OSBPL9: variants seen among roughly 807,000 people sequenced by gnomAD.
The protein encoded by OSBPL9 is oxysterol binding protein like 9.
Under a neutral mutation model 106.6 loss-of-function variants are expected in OSBPL9, and 40 were observed. That is an observed-to-expected ratio of 0.38 (90% CI 0.29 to 0.49). The LOEUF (loss-of-function observed/expected upper bound fraction) is 0.49, where lower values mean the gene tolerates loss of function less well. OSBPL9 is among the 20% of genes least tolerant of loss of function. OSBPL9 has a pLI of 0.97. For synonymous variants in OSBPL9, 269 were observed against 295.4 expected, an observed-to-expected ratio of 0.91 and a Z score of 0.92; for missense variants, 609 against 887.2, an observed-to-expected ratio of 0.69 and a Z score of 3.98.
intron 2 of OSBPL9, among the ~76,000 whole-genome samples, chr1:51,611,510 A>C (rs1311366165): frequency 6.6e-6 from 1 of 152,228 alleles, no homozygotes; most frequent in Non-Finnish European, 1.5e-5. Flanking sequence ...CAGCAAACCA[A>C]CAACAACAGA....
the OSBPL9 span, among the ~76,000 whole-genome samples, chr1:51,569,336 T>C: frequency 6.6e-6 from 1 of 152,196 alleles, no homozygotes; most frequent in Admixed American, 6.5e-5. Context: ...TATGGTACCA[T>C]GTGCCTCCCC....
At chr1:51,632,683 G>A (rs1645184281) in intron 1 of OSBPL9, among the ~76,000 whole-genome samples, 1 of 123,288 alleles carries the variant, frequency 8.1e-6, no homozygotes, top group African/African-American at 3.2e-5. Flanking sequence ...GCGGGGACCA[G>A]ATACTAAAGT....
chr1:51,556,168 C>G, the OSBPL9 span, among the ~76,000 whole-genome samples: 64 of 151,962 alleles, frequency 4.2e-4, no homozygotes, highest in African/African-American at 1.5e-3. Context: ...TGAGACTTAG[C>G]GATAATATAG....
At chr1:51,655,589 A>T (rs1646770650) in intron 2 of OSBPL9, among the ~76,000 whole-genome samples, 1 of 152,180 alleles carries the variant, frequency 6.6e-6, no homozygotes, top group South Asian at 2.1e-4. Flanking sequence ...CTGCGATATC[A>T]TATTCATGGT....
intron 3 of OSBPL9, among the ~76,000 whole-genome samples, chr1:51,708,581 A>C: frequency 6.6e-6 from 1 of 152,278 alleles, no homozygotes; most frequent in East Asian, 1.9e-4. Flanking sequence ...ATATACTTTT[A>C]CAAATCTTAA....
chr1:51,763,033 T>A (rs1253328379), intron 11 of OSBPL9, among the ~76,000 whole-genome samples: 2 of 152,148 alleles, frequency 1.3e-5, no homozygotes, highest in Non-Finnish European at 2.9e-5. Flanking sequence ...TGAGATGGAG[T>A]CTCACTCTGT....
chr1:51,675,552 G>T (rs1650988970), intron 3 of OSBPL9, among the ~76,000 whole-genome samples: 1 of 152,046 alleles, frequency 6.6e-6, no homozygotes, highest in African/African-American at 2.4e-5. Context: ...CCTTCTGGAA[G>T]ATCAGAGTGA....
intron 3 of OSBPL9, among the ~76,000 whole-genome samples, chr1:51,677,251 C>G (rs1375135689): frequency 6.6e-6 from 1 of 152,182 alleles, no homozygotes; most frequent in Non-Finnish European, 1.5e-5. Context: ...GTTTGAGAAC[C>G]ACAGGTCTGG....
At chr1:51,747,071 A>G (rs1668138948) in intron 6 of OSBPL9, among the ~76,000 whole-genome samples, 2 of 152,160 alleles carry the variant, frequency 1.3e-5, no homozygotes, top group South Asian at 4.1e-4. Flanking sequence ...CTGGGTTAAA[A>G]TGATTCTCCT....
rs115785604 is a variant in OSBPL9, at chr1:51,697,802, C to G, written c.242-16201C>G. On this transcript the variant is annotated intron_variant, in intron 3 of 23. Transcript: ENST00000428468. The stretch of plus-strand genomic sequence containing the variant: ...AAATCCTGAAAATGTATTCTACATA[C>G]TAGATAAATACTGTTTTCCTCTGTG... Among the ~76,000 whole-genome samples the G allele has an allele frequency of 2.4e-3, 355 of 149,146 alleles. 1 individual carries two copies. Among genetic ancestry groups the G allele is most frequent in the African/African-American group, 8.4e-3 (341 of 40,356 alleles).
At chr1:51,769,491 G>A (rs78465997) in intron 12 of OSBPL9, among the ~76,000 whole-genome samples, 1,910 of 152,230 alleles carry the variant, frequency 0.013, 39 homozygotes, top group African/African-American at 0.045. Flanking sequence ...TATTATGAGC[G>A]TCATTGTGTT....
intron 2 of OSBPL9, among the ~76,000 whole-genome samples, chr1:51,660,851 G>A (rs1337701883): frequency 1.3e-5 from 2 of 152,136 alleles, no homozygotes; most frequent in East Asian, 3.8e-4. Context: ...CCCAGAATAG[G>A]TATTTAATAA....
intron 3 of OSBPL9, among the ~76,000 whole-genome samples, chr1:51,691,493 C>G (rs1445554946): frequency 6.6e-6 from 1 of 151,500 alleles, no homozygotes; most frequent in Non-Finnish European, 1.5e-5. Flanking sequence ...CTAATGTACA[C>G]CTAAGGCTGG....
chr1:51,784,604 G>T, intron 20 of OSBPL9, 22 bp downstream of exon 20: 1 of 1,611,242 alleles, frequency 6.2e-7, no homozygotes, highest in Non-Finnish European at 8.5e-7. Flanking sequence ...TTCTGCCTTA[G>T]AGCTCTTATG....
At chr1:51,781,881 A>G (rs1181911686) in intron 16 of OSBPL9, among the ~76,000 whole-genome samples, 1 of 152,156 alleles carries the variant, frequency 6.6e-6, no homozygotes, top group Non-Finnish European at 1.5e-5. Context: ...AATATAAAAT[A>G]TAAAGTTTTA....
chr1:51,694,091 C>A (rs1655542286), intron 3 of OSBPL9, among the ~76,000 whole-genome samples: 1 of 152,110 alleles, frequency 6.6e-6, no homozygotes, highest in Non-Finnish European at 1.5e-5. Flanking sequence ...TCCTTGTACA[C>A]TTTTTAATGT....
chr1:51,669,966 C>T (rs918098390), intron 3 of OSBPL9, among the ~76,000 whole-genome samples: 2 of 152,142 alleles, frequency 1.3e-5, no homozygotes, highest in African/African-American at 4.8e-5. Flanking sequence ...AGGTTTTGCT[C>T]TGCTTCAAGA....
chr1:51,707,539 T>C (rs1163821460), intron 3 of OSBPL9: 2 of 179,606 alleles, frequency 1.1e-5, no homozygotes, highest in African/African-American at 2.4e-5. Flanking sequence ...CTTGAGAGCC[T>C]CATGGTCGTC....
At chr1:51,634,590 C>T (rs1645305661) in intron 1 of OSBPL9, among the ~76,000 whole-genome samples, 1 of 151,984 alleles carries the variant, frequency 6.6e-6, no homozygotes, top group Non-Finnish European at 1.5e-5. Flanking sequence ...ATATGAGACT[C>T]AAAGAAAGGC....
Sources: allele counts gnomAD v4.1 joint callset (sites outside exome capture counted in the v4.1 genomes callset), GRCh38; gene constraint gnomAD v4.1.1; transcripts MANE v1.5; gene names NCBI Gene and HGNC (gene_info 2026-07-23, HGNC 2026-07-21).